EHBP1: variants seen among roughly 807,000 people sequenced by gnomAD.
EHBP1 encodes the protein EH domain binding protein 1.
A neutral mutation model predicts 144.0 loss-of-function variants in EHBP1; 55 were observed. The ratio of observed to expected loss-of-function variants is 0.38; its 90% CI spans 0.31 to 0.48. The LOEUF is 0.48. Among genes scored for constraint, EHBP1 ranks in the 20% least tolerant of loss-of-function variants. The pLI is 0.98. For synonymous variants in EHBP1, 469 were observed against 472.7 expected, an observed-to-expected ratio of 0.99 and a Z score of 0.10; for missense variants, 1,200 against 1,364.2, an observed-to-expected ratio of 0.88 and a Z score of 1.90.
intron 2 of EHBP1, among the ~76,000 whole-genome samples, chr2:62,711,655 C>T (rs1362156620): frequency 6.6e-6 from 1 of 152,078 alleles, no homozygotes; most frequent in Non-Finnish European, 1.5e-5. Flanking sequence ...AGCCTTGAGG[C>T]ACTTCAGCAT....
chr2:62,856,165 C>T (rs532278478), intron 7 of EHBP1, among the ~76,000 whole-genome samples: 237 of 152,346 alleles, frequency 1.6e-3, no homozygotes, highest in Non-Finnish European at 2.3e-3. Flanking sequence ...CTTTTAGCCC[C>T]ATTGAATGGC....
intron 21 of EHBP1, 93 bp downstream of exon 21, chr2:63,038,909 G>A: frequency 1.6e-6 from 2 of 1,222,640 alleles, no homozygotes; most frequent in Non-Finnish European, 2.4e-6. Context: ...ACTAGATCTG[G>A]TGTACTAGGG....
intron 6 of EHBP1, among the ~76,000 whole-genome samples, chr2:62,826,768 T>G (rs1040762225): frequency 9.9e-5 from 15 of 152,202 alleles, no homozygotes; most frequent in Non-Finnish European, 1.5e-5. Context: ...TTTTCAAAAA[T>G]CACTTCTTAA....
intron 5 of EHBP1, among the ~76,000 whole-genome samples, chr2:62,795,561 T>C: frequency 6.6e-6 from 1 of 152,034 alleles, no homozygotes; most frequent in East Asian, 1.9e-4. Flanking sequence ...CTGTTCACAC[T>C]ACCTCTAAAA....
At chr2:62,989,523 C>G (rs1031542426) in intron 15 of EHBP1, among the ~76,000 whole-genome samples, 23 of 152,100 alleles carry the variant, frequency 1.5e-4, no homozygotes, top group Non-Finnish European at 2.8e-4. Context: ...TTAATCCTAA[C>G]AGGCTTGACT....
Position 62,843,511 on chromosome 2 carries a change from A to T in EHBP1, c.634+12353A>T, listed in dbSNP as rs191280470. ...ATGTTCTAAGTCCTAATAAATTCAC[A>T]ATCATTGTAGCATATTTTTTATTTG... On this transcript the variant is annotated intron_variant, in intron 7 of 22. Transcript: ENST00000431489. Among the ~76,000 whole-genome samples the T allele has an allele frequency of 2.6e-5, 4 of 152,266 alleles. No homozygotes were observed. The East Asian group carries it at 7.7e-4, about 29-fold the overall frequency.
chr2:62,907,735 A>G (rs993323960), intron 10 of EHBP1, among the ~76,000 whole-genome samples: 8 of 152,248 alleles, frequency 5.3e-5, no homozygotes, highest in Non-Finnish European at 1.0e-4. Flanking sequence ...TTAGGGGGAC[A>G]CAAGCATCCA....
At chr2:62,847,345 A>G (rs1433245341) in intron 7 of EHBP1, among the ~76,000 whole-genome samples, 1 of 152,226 alleles carries the variant, frequency 6.6e-6, no homozygotes, top group Non-Finnish European at 1.5e-5. Context: ...AATTCAAGAT[A>G]GATCATAGAC....
chr2:62,820,708 TG>T (rs1297298271), intron 5 of EHBP1, among the ~76,000 whole-genome samples: 3 of 132,790 alleles, frequency 2.3e-5, no homozygotes, highest in African/African-American at 9.0e-5. Context: ...AGTATTCCAT[TG>T]GGTGTGTGTG....
chr2:63,019,693 C>A (rs917879882), intron 19 of EHBP1, among the ~76,000 whole-genome samples: 2 of 139,814 alleles, frequency 1.4e-5, no homozygotes, highest in Non-Finnish European at 3.0e-5. Flanking sequence ...GGCAACAGAG[C>A]GAGACTCCAT....
chr2:62,710,925 A>G (rs1243385190), intron 2 of EHBP1, among the ~76,000 whole-genome samples: 12 of 152,208 alleles, frequency 7.9e-5, no homozygotes, highest in Non-Finnish European at 1.5e-4. Context: ...TCTGTTGACC[A>G]TGGAGTGATA....
At chr2:62,929,413 A>G (rs1244424738) in intron 10 of EHBP1, among the ~76,000 whole-genome samples, 1 of 152,208 alleles carries the variant, frequency 6.6e-6, no homozygotes, top group Non-Finnish European at 1.5e-5. Flanking sequence ...GAGTGCAAGG[A>G]TGATTAGACA....
intron 1 of EHBP1, among the ~76,000 whole-genome samples, chr2:62,696,242 C>G (rs2034086849): frequency 6.6e-6 from 1 of 150,504 alleles, no homozygotes; most frequent in Non-Finnish European, 1.5e-5. Context: ...ACGGTCTTGG[C>G]TCACTGCAGC....
intron 11 of EHBP1, 81 bp downstream of exon 11, chr2:62,942,977 C>A: frequency 9.5e-7 from 1 of 1,057,562 alleles, no homozygotes; most frequent in Non-Finnish European, 1.3e-6. Flanking sequence ...TTTCTTAGCA[C>A]ATCCTGAAAT....
At chr2:62,891,007 G>A (rs149382629) in intron 10 of EHBP1, among the ~76,000 whole-genome samples, 2,874 of 151,982 alleles carry the variant, frequency 0.019, 98 homozygotes, top group African/African-American at 0.065. Flanking sequence ...GTGAAACCCC[G>A]TCTTTACTAA....
rs970624664 is a variant in EHBP1, at chr2:62,746,346, C to T, written c.105-1049C>T. 4.0e-5 allele frequency among the ~76,000 whole-genome samples: 6 copies of T among 151,896 alleles called. No individual in the cohort carries two copies. In the South Asian group the frequency reaches 6.3e-4, roughly 16 times the overall value. On this transcript the variant is annotated intron_variant, in intron 2 of 22. Coordinates refer to ENST00000431489, the MANE Select transcript of EHBP1 (RefSeq NM_001142616.3). ...TAGCAGTATAGGTTTGTAGGTGGAT[C>T]GCTGAGTGAGGAGTTTAAGGCTGGA...
intron 10 of EHBP1, among the ~76,000 whole-genome samples, chr2:62,897,782 C>A (rs1013175499): frequency 2.6e-5 from 4 of 152,186 alleles, no homozygotes; most frequent in Non-Finnish European, 4.4e-5. Context: ...GCCTTTCATG[C>A]AGTTGCTCAG....
At chr2:62,805,025 G>A (rs554729130) in intron 5 of EHBP1, among the ~76,000 whole-genome samples, 1 of 152,262 alleles carries the variant, frequency 6.6e-6, no homozygotes, top group South Asian at 2.1e-4. Context: ...AAAGATTGGG[G>A]ACAGCTGTTC....
chr2:62,936,706 A>G (rs931631388), intron 10 of EHBP1, among the ~76,000 whole-genome samples: 4 of 152,176 alleles, frequency 2.6e-5, no homozygotes, highest in Non-Finnish European at 5.9e-5. Flanking sequence ...TTATGGCACA[A>G]TCTTTCTAGC....
Sources: gnomAD v4.1 joint callset for allele counts (sites outside exome capture counted in the v4.1 genomes callset) on GRCh38, gnomAD v4.1.1 for gene constraint, MANE v1.5 for transcripts, NCBI Gene and HGNC (gene_info 2026-07-23, HGNC 2026-07-21) for gene names.